The following CASZ1 variants were observed in gnomAD, a reference collection of about 807,000 sequenced individuals.
CASZ1 encodes the protein zinc finger protein castor homolog 1.
Under a neutral mutation model 135.2 loss-of-function variants are expected in CASZ1, and 28 were observed. The observed-to-expected ratio is 0.21, with a 90% CI of 0.15 to 0.28. CASZ1 has a LOEUF of 0.28. Among genes scored for constraint, CASZ1 ranks in the 10% least tolerant of loss-of-function variants. The pLI, the probability that CASZ1 is intolerant of heterozygous loss-of-function variation, is 1.00. For synonymous variants in CASZ1, 1,068 were observed against 1,073.4 expected (o/e 0.99, Z 0.10); for missense variants, 2,161 against 2,453.3 (o/e 0.88, Z 2.52).
In CASZ1 at chr1:10,685,676, C is replaced by CGAAGCTGG. The variant is rs199559540; in HGVS notation, c.16+8190_16+8197dup. The stretch of plus-strand genomic sequence containing the variant: ...GCCACTGATCCTCAGCCCCCGGGCA[C>CGAAGCTGG]GAAGCTGGCCCCGCATGGCCTGCAA... On this transcript the variant is annotated intron_variant, in intron 4 of 20. Transcript: ENST00000377022. Among the ~76,000 whole-genome samples, 1,220 of 152,202 alleles carry CGAAGCTGG rather than the reference C, an allele frequency of 8.0e-3. 17 individuals are homozygous for CGAAGCTGG. Among genetic ancestry groups the CGAAGCTGG allele is most frequent in the African/African-American group, 0.028 (1,173 of 41,428 alleles).
intron 1 of CASZ1, among the ~76,000 whole-genome samples, chr1:10,787,613 C>T (rs1640881920): frequency 6.6e-6 from 1 of 152,038 alleles, no homozygotes; most frequent in African/African-American, 2.4e-5. Flanking sequence ...AGCTCATTCC[C>T]CCACCCCTTC....
chr1:10,656,801 C>T, intron 7 of CASZ1, 65 bp from the exon 8 acceptor site: 1 of 1,097,450 alleles, frequency 9.1e-7, no homozygotes, highest in Non-Finnish European at 1.3e-6. Context: ...CAGCCCCAGC[C>T]CCAGCCCCAG....
rs985668644 is a variant in CASZ1 at position 10,646,504 on chromosome 1, A to G, written c.3498-178T>C. Among the ~76,000 whole-genome samples, 2 of 152,206 alleles carry G rather than the reference A, an allele frequency of 1.3e-5. No individual in the cohort carries two copies. The highest frequency in any genetic ancestry group is 4.8e-5 in the African/African-American group (2 of 41,444). ...TCAGCTGGAGACTACAGATCCCAGC[A>G]TGCATTCCTGCCTCCTTTTAGGAGC... On this transcript the variant is annotated intron_variant, in intron 16 of 20. Coordinates refer to ENST00000377022, the MANE Select transcript of CASZ1 (RefSeq NM_001079843.3). This position sits in a 1 kb window ranked among gnomAD's most constrained non-coding sequence, Gnocchi z 6.4.
intron 5 of CASZ1, among the ~76,000 whole-genome samples, chr1:10,661,935 G>A (rs527399643): frequency 4.3e-5 from 6 of 139,196 alleles, no homozygotes; most frequent in Admixed American, 7.3e-5. Flanking sequence ...ACCCACAGTC[G>A]CATGCACTCA....
chr1:10,653,496 G>A lies in CASZ1; in HGVS notation c.2561C>T (p.Ser854Phe). The change falls in exon 11 of 21, where the codon TCT becomes TTT. Residue 854 changes from serine to phenylalanine, a missense_variant. This residue lies in a region of CASZ1 where 406 missense variants were observed against 387.6 expected (regional missense o/e 1.05). Coordinates refer to ENST00000377022, the MANE Select transcript of CASZ1 (RefSeq NM_001079843.3). Reference sequence around the variant, plus strand: ...GATGGAGGCGGGTGGTGCCGGGACAGAGGCGGCAGCCACGGGGGCTGAGTC... The same window carrying A: ...GATGGAGGCGGGTGGTGCCGGGACAAAGGCGGCAGCCACGGGGGCTGAGTC... ...AGDSAPVAAA[S>F]VPAPPASIME... 6.2e-7 allele frequency: 1 copy of A among 1,611,718 alleles called. No individual in the cohort carries two copies. The highest frequency in any genetic ancestry group is 8.5e-7 in the Non-Finnish European group (1 of 1,179,034).
intron 1 of CASZ1, among the ~76,000 whole-genome samples, chr1:10,787,062 C>T (rs192096858): frequency 2.6e-5 from 4 of 152,298 alleles, no homozygotes; most frequent in African/African-American, 7.2e-5. Context: ...TTCTTCGTTA[C>T]GTTTAATTAC....
At chr1:10,674,459 G>A (rs1338197627) in intron 4 of CASZ1, among the ~76,000 whole-genome samples, 3 of 152,280 alleles carry the variant, frequency 2.0e-5, no homozygotes, top group Non-Finnish European at 4.4e-5. Context: ...TGAGGCCACC[G>A]TGGGGCACCT....
intron 1 of CASZ1, among the ~76,000 whole-genome samples, chr1:10,785,135 TC>T (rs1640835394): frequency 7.5e-6 from 1 of 133,872 alleles, no homozygotes; most frequent in African/African-American, 2.9e-5. Context: ...CTTTCTTCCT[TC>T]CTTCCTCCCT....
intron 1 of CASZ1, among the ~76,000 whole-genome samples, chr1:10,785,698 C>A (rs1640846484): frequency 6.6e-6 from 1 of 152,246 alleles, no homozygotes; most frequent in South Asian, 2.1e-4. Flanking sequence ...GCTAAAGGGA[C>A]AACCGTTGTC....
intron 1 of CASZ1, among the ~76,000 whole-genome samples, chr1:10,783,314 T>A (rs1270498582): frequency 6.6e-6 from 1 of 151,746 alleles, no homozygotes; most frequent in East Asian, 1.9e-4. Flanking sequence ...CAAGCGTATA[T>A]GTTTTGGGAG....
In CASZ1 at chr1:10,732,029, A is replaced by G. The variant is rs141634456; in HGVS notation, c.-76-26485T>C. Among the ~76,000 whole-genome samples the G allele has an allele frequency of 1.6e-3, 248 of 152,244 alleles. 3 individuals are homozygous for G. In the East Asian group the frequency reaches 0.029, roughly 18 times the overall value. On this transcript the variant is annotated intron_variant, in intron 2 of 20. Transcript: ENST00000377022. ...GTCTTAATATGCTAAATATCCATAT[A>G]TATAATCCATGCAGGCCAGGCATGA...
intron 1 of CASZ1, among the ~76,000 whole-genome samples, chr1:10,786,540 G>A (rs538104853): frequency 2.0e-5 from 3 of 152,244 alleles, no homozygotes; most frequent in Middle Eastern, 6.8e-3. Context: ...GTCCTCTCCC[G>A]CATGGGTCTG....
intron 4 of CASZ1, among the ~76,000 whole-genome samples, chr1:10,673,329 T>C (rs1005271058): frequency 1.3e-5 from 2 of 152,208 alleles, no homozygotes; most frequent in Non-Finnish European, 2.9e-5. Flanking sequence ...TTTCCCTTTT[T>C]TATGACATGA....
chr1:10,762,335 A>G lies in CASZ1; in HGVS notation c.-233-1478T>C, dbSNP rs371322179. On this transcript the variant is annotated intron_variant, in intron 1 of 20. Coordinates refer to ENST00000377022, the MANE Select transcript of CASZ1 (RefSeq NM_001079843.3). This position sits in a 1 kb window ranked among gnomAD's most constrained non-coding sequence, Gnocchi z 4.1. ...GTTAACAGCGGGTTTCCTGGTTTCC[A>G]TGGATTCCTGCCAGGCCCCTAATGT... 2.0e-5 allele frequency among the ~76,000 whole-genome samples: 3 copies of G among 152,024 alleles called. No individual in the cohort carries two copies. The South Asian group carries it at 6.2e-4, about 32-fold the overall frequency.
Position 10,697,921 on chromosome 1 carries a change from G to C in CASZ1, c.-23-4009C>G, listed in dbSNP as rs1048570870. On this transcript the variant is annotated intron_variant, in intron 3 of 20. Coordinates refer to ENST00000377022, the MANE Select transcript of CASZ1 (RefSeq NM_001079843.3). This position sits in a 1 kb window ranked among gnomAD's most constrained non-coding sequence, Gnocchi z 4.7. ...CCGCTCCGGGGCCGATGGAGGGAGGGTGTCGGGAAAGCTGTGAGCCAGCGA... is the reference window on the plus strand; with the variant it reads ...CCGCTCCGGGGCCGATGGAGGGAGGCTGTCGGGAAAGCTGTGAGCCAGCGA... 6.6e-6 allele frequency among the ~76,000 whole-genome samples: 1 copy of C among 152,268 alleles called. No individual in the cohort carries two copies. Among genetic ancestry groups the C allele is most frequent in the Admixed American group, 6.5e-5 (1 of 15,290 alleles).
chr1:10,639,809 G>C lies in CASZ1; in HGVS notation c.4413C>G (p.Arg1471=). The C allele has an allele frequency of 1.2e-6, 2 of 1,609,178 alleles. No homozygotes were observed. Among genetic ancestry groups the C allele is most frequent in the Middle Eastern group, 1.7e-4 (1 of 6,050 alleles). The change falls in exon 21 of 21, where the codon CGC becomes CGG. Residue 1471 remains arginine, a synonymous_variant. Transcript: ENST00000377022. This position sits in a 1 kb window ranked among gnomAD's most constrained non-coding sequence, Gnocchi z 4.0. Reference sequence around the variant, plus strand: ...GCTGCGCGTGCTTGTACATGTGCGTGCGCCCGCAGAACTTGTAGCCGCAGT... The same window carrying C: ...GCTGCGCGTGCTTGTACATGTGCGTCCGCCCGCAGAACTTGTAGCCGCAGT... The part of the protein sequence containing the change: ...RENCGYKFCG[R]THMYKHAQHH...
chr1:10,704,601 G>C (rs1022079889), intron 3 of CASZ1: 2 of 152,300 alleles, frequency 1.3e-5, no homozygotes, highest in African/African-American at 4.8e-5. Context: ...ACCCAGAGCC[G>C]GTCGGTCGCA....
In CASZ1 at chr1:10,660,254, T is replaced by A; in HGVS notation, c.788A>T (p.Glu263Val). Residue 263 changes from glutamate to valine, a missense_variant, in exon 6 of 21, where the codon GAG becomes GTG. Around this residue, in one of 7 missense-constraint regions of CASZ1, gnomAD observed 590 missense variants for 609.8 expected, o/e 0.97. Transcript: ENST00000377022. ...SWPAPSTKTEERVGKEVVGTL... is the reference protein window; with the variant it reads ...SWPAPSTKTEVRVGKEVVGTL... Reference sequence around the variant, plus strand: ...GCCCACCACCTCCTTGCCCACCCGCTCCTCGGTCTTGGTGCTGGGGGCCGG... The same window carrying A: ...GCCCACCACCTCCTTGCCCACCCGCACCTCGGTCTTGGTGCTGGGGGCCGG... 6.2e-7 allele frequency: 1 copy of A among 1,613,600 alleles called. No individual in the cohort carries two copies. The highest frequency in any genetic ancestry group is 2.2e-5 in the East Asian group (1 of 44,862).
rs1344522422 is a variant in CASZ1 at position 10,660,483 on chromosome 1, C to T, written c.559G>A (p.Gly187Ser). Residue 187 changes from glycine to serine, a missense_variant, in exon 6 of 21, where the codon GGC becomes AGC. By Grantham distance (56) the Gly-to-Ser change is moderately conservative. This residue lies in a region of CASZ1 where 590 missense variants were observed against 609.8 expected (regional missense o/e 0.97). Transcript: ENST00000377022. ...TTCTGGTCATCATAGCCAAACATGC[C>T]GAGGAACTCGGTCATGGTGGAGGCC... The part of the protein sequence containing the change: ...YAASTMTEFL[G>S]MFGYDDQNTR... 13 of 1,614,002 alleles carry T rather than the reference C, an allele frequency of 8.1e-6. No homozygotes were observed. Among genetic ancestry groups the T allele is most frequent in the Admixed American group, 5.0e-5 (3 of 60,020 alleles).
Sources: allele counts gnomAD v4.1 joint callset (sites outside exome capture counted in the v4.1 genomes callset), GRCh38; gene constraint gnomAD v4.1.1; regional missense constraint gnomAD v4.1.1; non-coding constraint Gnocchi (gnomAD v3.1); transcripts MANE v1.5; gene names NCBI Gene and HGNC (gene_info 2026-07-23, HGNC 2026-07-21).